PGCKA1: variants seen among roughly 807,000 people sequenced by gnomAD.
The protein encoded by PGCKA1 is PDCD10 and GCKIII kinases associated 1, also known as PDCD10 and GCKIII kinases-associated protein 1.
chr4:37,481,782 G>A, the PGCKA1 span, among the ~76,000 whole-genome samples: 9 of 152,030 alleles, frequency 5.9e-5, no homozygotes, highest in Non-Finnish European at 7.4e-5. Context: ...TGGCTGTGTC[G>A]CCACCCAAAT....
chr4:37,460,089 T>C, the PGCKA1 span, among the ~76,000 whole-genome samples: 1 of 152,124 alleles, frequency 6.6e-6, no homozygotes, highest in African/African-American at 2.4e-5. Context: ...ATGTGGTGTT[T>C]GGTTTTCTGC....
the PGCKA1 span, among the ~76,000 whole-genome samples, chr4:37,455,610 A>G: frequency 3.1e-3 from 477 of 152,312 alleles, 6 homozygotes; most frequent in African/African-American, 0.011. Flanking sequence ...AATAGGGCCA[A>G]TCTTTCCTGT....
chr4:37,549,118 C>T, the PGCKA1 span, among the ~76,000 whole-genome samples: 1 of 152,338 alleles, frequency 6.6e-6, no homozygotes, highest in Admixed American at 6.5e-5. Flanking sequence ...CTTCGTGTCT[C>T]TCACCACAGG....
chr4:37,547,562 A>G, the PGCKA1 span, among the ~76,000 whole-genome samples: 1 of 152,222 alleles, frequency 6.6e-6, no homozygotes, highest in Non-Finnish European at 1.5e-5. Context: ...ACTGGCCAGC[A>G]TTAGAGGTAG....
At chr4:37,466,205 A>C in the PGCKA1 span, among the ~76,000 whole-genome samples, 2 of 152,172 alleles carry the variant, frequency 1.3e-5, no homozygotes, top group African/African-American at 4.8e-5. Flanking sequence ...ATACCTGTAC[A>C]AGCCATCTCT....
At chr4:37,563,895 T>G in the PGCKA1 span, among the ~76,000 whole-genome samples, 1 of 152,204 alleles carries the variant, frequency 6.6e-6, no homozygotes, top group African/African-American at 2.4e-5. Flanking sequence ...CACGGCCCAG[T>G]TCCCATGTGG....
chr4:37,462,400 A>G, the PGCKA1 span, among the ~76,000 whole-genome samples: 11 of 152,248 alleles, frequency 7.2e-5, no homozygotes, highest in African/African-American at 2.6e-4. Context: ...CAGGTTTTCT[A>G]TTTGGTCTTT....
the PGCKA1 span, among the ~76,000 whole-genome samples, chr4:37,584,059 C>T: frequency 5.5e-4 from 84 of 152,272 alleles, no homozygotes; most frequent in Non-Finnish European, 1.1e-3. Flanking sequence ...CTTGTTGCCC[C>T]TGGGCTTAGG....
the PGCKA1 span, among the ~76,000 whole-genome samples, chr4:37,459,543 C>T: frequency 6.6e-6 from 1 of 152,294 alleles, no homozygotes; most frequent in South Asian, 2.1e-4. Flanking sequence ...ATTCCTTTTC[C>T]ATTTTTTTCC....
chr4:37,537,390 A>C, the PGCKA1 span, among the ~76,000 whole-genome samples: 1 of 152,364 alleles, frequency 6.6e-6, no homozygotes, highest in Middle Eastern at 3.4e-3. Flanking sequence ...TAAAGTAGTA[A>C]AATAATGACA....
At chr4:37,544,658 C>G in the PGCKA1 span, among the ~76,000 whole-genome samples, 1 of 148,048 alleles carries the variant, frequency 6.8e-6, no homozygotes, top group Non-Finnish European at 1.5e-5. Flanking sequence ...TTTTTGTTCT[C>G]TGATTAAAAA....
the PGCKA1 span, among the ~76,000 whole-genome samples, chr4:37,579,810 T>A: frequency 1.3e-5 from 2 of 152,136 alleles, no homozygotes; most frequent in African/African-American, 2.4e-5. Context: ...TGGATATTGA[T>A]ATATTTCTCT....
At chr4:37,574,397 AG>A in the PGCKA1 span, among the ~76,000 whole-genome samples, 1 of 152,108 alleles carries the variant, frequency 6.6e-6, no homozygotes, top group African/African-American at 2.4e-5. Context: ...GCCAATGTTA[AG>A]AGTGAAATTT....
chr4:37,543,053 A>G, the PGCKA1 span, among the ~76,000 whole-genome samples: 1 of 152,226 alleles, frequency 6.6e-6, no homozygotes, highest in Admixed American at 6.5e-5. Flanking sequence ...TCTTATGACT[A>G]GACTGGTCCC....
At chr4:37,588,719 TA>T in the PGCKA1 span, 11 of 662,006 alleles carry the variant, frequency 1.7e-5, no homozygotes, top group East Asian at 3.0e-4. Context: ...ACGTGGTAGT[TA>T]TCCTTTTGCC....
chr4:37,503,371 G>A, the PGCKA1 span, among the ~76,000 whole-genome samples: 1 of 152,154 alleles, frequency 6.6e-6, no homozygotes, highest in East Asian at 1.9e-4. Context: ...AGCTCTGTTA[G>A]GAGTGTGCCC....
chr4:37,495,808 A>C, the PGCKA1 span, among the ~76,000 whole-genome samples: 1 of 152,196 alleles, frequency 6.6e-6, no homozygotes, highest in Non-Finnish European at 1.5e-5. Flanking sequence ...ATACCTATGT[A>C]ACAAACCTGC....
chr4:37,557,669 C>T, the PGCKA1 span, among the ~76,000 whole-genome samples: 2 of 152,336 alleles, frequency 1.3e-5, no homozygotes, highest in South Asian at 4.1e-4. Context: ...GGGGCACAGA[C>T]ATTCAGTCCA....
At chr4:37,534,162 A>T in the PGCKA1 span, among the ~76,000 whole-genome samples, 1 of 152,218 alleles carries the variant, frequency 6.6e-6, no homozygotes, top group Admixed American at 6.5e-5. Context: ...TCACTGGTCC[A>T]AGAAAGATAC....
Sources: allele counts gnomAD v4.1 joint callset (sites outside exome capture counted in the v4.1 genomes callset), GRCh38; gene constraint gnomAD v4.1.1; transcripts MANE v1.5; gene names NCBI Gene and HGNC (gene_info 2026-07-23, HGNC 2026-07-21).